The following CHCHD3 variants were observed in gnomAD, a reference collection of about 807,000 sequenced individuals.
CHCHD3 encodes the protein MICOS complex subunit MIC19.
CHCHD3 carries 20 observed loss-of-function variants against 38.2 expected under a neutral mutation model. The ratio of observed to expected loss-of-function variants is 0.52; its 90% confidence interval spans 0.37 to 0.76. The LOEUF is 0.76. Ranked by LOEUF, CHCHD3 falls within the 30% of genes least tolerant of loss-of-function variation. The pLI is 0.00. For synonymous variants in CHCHD3, 82 were observed against 100.0 expected (o/e 0.82, Z 1.07); for missense variants, 245 against 279.2 (o/e 0.88, Z 0.87).
At chr7:132,909,650 C>G (rs972348312) in intron 4 of CHCHD3, among the ~76,000 whole-genome samples, 1 of 152,156 alleles carries the variant, frequency 6.6e-6, no homozygotes, top group Non-Finnish European at 1.5e-5. Flanking sequence ...CACAGTGGAG[C>G]ACAATGAGGG....
chr7:132,991,863 TC>T (rs1812292457), intron 3 of CHCHD3, among the ~76,000 whole-genome samples: 1 of 152,148 alleles, frequency 6.6e-6, no homozygotes, highest in African/African-American at 2.4e-5. Flanking sequence ...CAGGGGTGCT[TC>T]CCCTCCTCTC....
intron 4 of CHCHD3, chr7:132,887,044 T>A (rs1036943356): frequency 1.0e-6 from 1 of 974,594 alleles, no homozygotes; most frequent in Non-Finnish European, 1.3e-6. Flanking sequence ...GTACTGTTTT[T>A]TCCTAATTTC....
chr7:133,025,369 C>T (rs894967632), intron 2 of CHCHD3, among the ~76,000 whole-genome samples: 4 of 152,200 alleles, frequency 2.6e-5, no homozygotes, highest in Non-Finnish European at 2.9e-5. Flanking sequence ...CTTTAAGAGG[C>T]TTCCACAAGA....
At chr7:132,979,266 T>G (rs966979966) in intron 3 of CHCHD3, among the ~76,000 whole-genome samples, 1 of 152,226 alleles carries the variant, frequency 6.6e-6, no homozygotes, top group African/African-American at 2.4e-5. Flanking sequence ...ACTGTTATAA[T>G]TTCTACTCGA....
At chr7:132,831,811 T>C (rs987332403) in intron 6 of CHCHD3, among the ~76,000 whole-genome samples, 1 of 152,182 alleles carries the variant, frequency 6.6e-6, no homozygotes, top group Non-Finnish European at 1.5e-5. Flanking sequence ...GGCTTATGCA[T>C]CTAGCAGAAT....
chr7:132,799,924 T>G (rs1806744755), intron 6 of CHCHD3, among the ~76,000 whole-genome samples: 1 of 152,140 alleles, frequency 6.6e-6, no homozygotes, highest in Admixed American at 6.5e-5. Context: ...CCCCACACAG[T>G]GGCACCAAAG....
At chr7:132,941,463 C>T (rs1810764328) in intron 4 of CHCHD3, among the ~76,000 whole-genome samples, 1 of 152,144 alleles carries the variant, frequency 6.6e-6, no homozygotes, top group African/African-American at 2.4e-5. Context: ...AGACCATCAG[C>T]CACCCACCAT....
chr7:132,960,072 T>C (rs1811275161), intron 4 of CHCHD3, among the ~76,000 whole-genome samples: 2 of 152,196 alleles, frequency 1.3e-5, no homozygotes, highest in African/African-American at 4.8e-5. Flanking sequence ...GCAATCAGAA[T>C]TGACGGAGGC....
chr7:132,896,292 C>T (rs1322443768), intron 4 of CHCHD3, among the ~76,000 whole-genome samples: 1 of 152,190 alleles, frequency 6.6e-6, no homozygotes, highest in Non-Finnish European at 1.5e-5. Flanking sequence ...ATGTTCAGAT[C>T]AGGCAAGGCT....
At chr7:132,860,039 G>A (rs7786591) in intron 5 of CHCHD3, among the ~76,000 whole-genome samples, 35,085 of 152,092 alleles carry the variant, frequency 0.23, 4,227 homozygotes, top group South Asian at 0.26. Context: ...TGGGAAGTCA[G>A]TGAGGCAGAT....
chr7:132,862,454 T>G (rs918856136), intron 5 of CHCHD3, among the ~76,000 whole-genome samples: 1 of 152,202 alleles, frequency 6.6e-6, no homozygotes, highest in African/African-American at 2.4e-5. Flanking sequence ...AAGTACATAA[T>G]CTTAATTTAA....
chr7:132,848,800 C>T (rs2117112416), intron 5 of CHCHD3, among the ~76,000 whole-genome samples: 1 of 152,226 alleles, frequency 6.6e-6, no homozygotes, highest in South Asian at 2.1e-4. Context: ...TAGCTGGCAC[C>T]TTAAAGAATA....
At chr7:132,905,113 G>T (rs1051432920) in intron 4 of CHCHD3, among the ~76,000 whole-genome samples, 2 of 151,818 alleles carry the variant, frequency 1.3e-5, no homozygotes, top group Non-Finnish European at 2.9e-5. Flanking sequence ...TGGGGGGCAG[G>T]GGGAGGGATA....
chr7:132,901,636 T>C (rs904026845), intron 4 of CHCHD3, among the ~76,000 whole-genome samples: 3 of 152,250 alleles, frequency 2.0e-5, no homozygotes, highest in Non-Finnish European at 4.4e-5. Context: ...TCTGTTCATA[T>C]CCTTCGCCTA....
intron 6 of CHCHD3, chr7:132,830,821 G>A: frequency 6.6e-6 from 1 of 152,106 alleles, no homozygotes; most frequent in East Asian, 1.9e-4. Context: ...TTCTAAAGAC[G>A]TAATTGTAAC....
At chr7:133,005,285 A>G (rs1812670579) in intron 3 of CHCHD3, among the ~76,000 whole-genome samples, 2 of 152,194 alleles carry the variant, frequency 1.3e-5, no homozygotes, top group African/African-American at 4.8e-5. Context: ...TTAAGTCAGC[A>G]TATGTGGTTT....
Position 132,932,267 on chromosome 7 carries a change from C to T in CHCHD3, c.369+42902G>A, listed in dbSNP as rs567589142. Among the ~76,000 whole-genome samples, 136 of 152,184 alleles carry T rather than the reference C, an allele frequency of 8.9e-4. 2 individuals carry two copies. In the Middle Eastern group the frequency reaches 0.014, roughly 15 times the overall value. On this transcript the variant is annotated intron_variant, in intron 4 of 7. Coordinates refer to ENST00000262570, the MANE Select transcript of CHCHD3 (RefSeq NM_017812.4). Reference sequence around the variant, plus strand: ...GGTTATAGTTTTGCCAATTAGAGCACATCCTGGGTGAGAGAGAGCAATGAA... The same window carrying T: ...GGTTATAGTTTTGCCAATTAGAGCATATCCTGGGTGAGAGAGAGCAATGAA...
intron 5 of CHCHD3, among the ~76,000 whole-genome samples, chr7:132,851,955 T>C (rs1808230166): frequency 6.6e-6 from 1 of 152,208 alleles, no homozygotes. Context: ...TCTCTTGTGC[T>C]TGCTCAGCTA....
chr7:132,790,369 T>C (rs761911712), intron 7 of CHCHD3, among the ~76,000 whole-genome samples: 2 of 152,174 alleles, frequency 1.3e-5, no homozygotes, highest in Admixed American at 6.5e-5. Context: ...ATTACCATGG[T>C]AGTATTTCTT....
Sources: gnomAD v4.1 joint callset for allele counts (sites outside exome capture counted in the v4.1 genomes callset) on GRCh38, gnomAD v4.1.1 for gene constraint, MANE v1.5 for transcripts, NCBI Gene and HGNC (gene_info 2026-07-23, HGNC 2026-07-21) for gene names.